The following MBL2 variants were observed in gnomAD, a reference collection of about 807,000 sequenced individuals.
MBL2 encodes mannose-binding protein C.
Under a neutral mutation model 12.7 loss-of-function variants are expected in MBL2, and 6 were observed. That is an observed-to-expected ratio of 0.47 (90% CI 0.26 to 0.94). MBL2 has a LOEUF of 0.94. MBL2 is among the 40% of genes least tolerant of loss of function. The pLI, the probability that MBL2 is intolerant of heterozygous loss-of-function variation, is 0.15. For missense variants in MBL2, 307 were observed against 295.2 expected (o/e 1.04, Z -0.29); for synonymous variants, 114 against 112.0 (o/e 1.02, Z -0.11).
chr10:52,767,165 G>A lies in MBL2; in HGVS notation c.*972C>T, dbSNP rs565294067. The A allele has an allele frequency of 6.6e-6, 1 of 152,088 alleles. No individual in the cohort carries two copies. Among genetic ancestry groups the A allele is most frequent in the South Asian group, 2.1e-4 (1 of 4,828 alleles). The allele number at this position is 152,088 out of a possible 1,614,324, so 9.4% of individuals were successfully genotyped here. On this transcript the variant is annotated 3_prime_UTR_variant, in exon 5 of 5. Transcript: ENST00000674931. Reference sequence around the variant, plus strand: ...CTCCTGGATAGGTAGTGAAATTAGTGCACCATGTCCACCAAAAGACAAGTC... The same window carrying A: ...CTCCTGGATAGGTAGTGAAATTAGTACACCATGTCCACCAAAAGACAAGTC...
rs184683428 is a variant in MBL2, at chr10:52,771,649, G to C, written c.-9-5C>G. 438 of 1,611,232 alleles carry C rather than the reference G, an allele frequency of 2.7e-4. 6 individuals carry two copies. In the Middle Eastern group the frequency reaches 0.012, roughly 45 times the overall value. On this transcript the variant is annotated splice_region_variant and splice_polypyrimidine_tract_variant and intron_variant, in intron 1 of 4. Coordinates refer to ENST00000674931, the MANE Select transcript of MBL2 (RefSeq NM_001378373.1). ...AAACAGGGACATGGTCCTCACCTTG[G>C]TGTGAGAAAACTCAGGGAAGGTTAA...
rs777309633 is a variant in MBL2 at position 52,768,130 on chromosome 10, T to C, written c.*7A>G. On this transcript the variant is annotated 3_prime_UTR_variant, in exon 5 of 5. Transcript: ENST00000674931. The stretch of plus-strand genomic sequence containing the variant: ...AAAGACAAGGAGGGCCTGAGTGATA[T>C]GACCCTTCAGATAGGGAACTCACAG... 1.0e-5 allele frequency: 16 copies of C among 1,593,012 alleles called. 1 individual carries two copies. The highest frequency in any genetic ancestry group is 3.4e-4 in the Middle Eastern group (2 of 5,922).
At position 52,768,098 on chromosome 10, in the gene MBL2, G is replaced by A; in HGVS notation, c.*39C>T. Reference sequence around the variant, plus strand: ...CAAGCATACTGTGGGCCTGTGGGTTGCAGTAAAAAGACAAGGAGGGCCTGA... The same window carrying A: ...CAAGCATACTGTGGGCCTGTGGGTTACAGTAAAAAGACAAGGAGGGCCTGA... On this transcript the variant is annotated 3_prime_UTR_variant, in exon 5 of 5. Transcript: ENST00000674931. 1 of 1,548,174 alleles carries A rather than the reference G, an allele frequency of 6.5e-7. No individual in the cohort carries two copies. Among genetic ancestry groups the A allele is most frequent in the Non-Finnish European group, 8.7e-7 (1 of 1,147,448 alleles).
Position 52,767,947 on chromosome 10 carries a change from C to T in MBL2, c.*190G>A, listed in dbSNP as rs1231552801. The T allele has an allele frequency of 1.9e-6, 1 of 519,450 alleles. No individual in the cohort carries two copies. Among genetic ancestry groups the T allele is most frequent in the Non-Finnish European group, 3.3e-6 (1 of 307,522 alleles). 32.2% of individuals were successfully genotyped at this position (519,450 alleles called of 1,614,324 possible). On this transcript the variant is annotated 3_prime_UTR_variant, in exon 5 of 5. Coordinates refer to ENST00000674931, the MANE Select transcript of MBL2 (RefSeq NM_001378373.1). ...AAATATTATATAATTAGCATGACTACTACTGCTGCTGCTAACTACTACTAC... is the reference window on the plus strand; with the variant it reads ...AAATATTATATAATTAGCATGACTATTACTGCTGCTGCTAACTACTACTAC...
At position 52,768,435 on chromosome 10, in the gene MBL2, T is replaced by G. The variant is rs149216902; in HGVS notation, c.449A>C (p.Lys150Thr). The G allele has an allele frequency of 5.7e-5, 92 of 1,610,576 alleles. 1 individual carries two copies. The African/African-American group carries it at 9.4e-4, about 16-fold the overall frequency. Reference protein sequence around the residue: ...LTNGEIMTFEKVKALCVKFQA... With the variant: ...LTNGEIMTFETVKALCVKFQA... Reference sequence around the variant, plus strand: ...GAACTTGACACACAAGGCCTTCACTTTTTCAAAGGTCATTATTTCACCATT... The same window carrying G: ...GAACTTGACACACAAGGCCTTCACTGTTTCAAAGGTCATTATTTCACCATT... Residue 150 changes from lysine (K) to threonine (T), a missense_variant, in exon 5 of 5, where the codon AAA (lysine) becomes ACA (threonine). Physicochemically the swap from Lys to Thr is moderately conservative, Grantham distance 78 (BLOSUM62 -1). Transcript: ENST00000674931.
chr10:52,771,758 C>A, intron 1 of MBL2, 114 bp from the exon 2 acceptor site: 1 of 1,414,762 alleles, frequency 7.1e-7, no homozygotes, highest in Non-Finnish European at 9.4e-7. Flanking sequence ...GATGACCCAT[C>A]CCTGGCCTCT....
At chr10:52,768,954 T>C (rs148493428) in intron 4 of MBL2, among the ~76,000 whole-genome samples, 81 of 152,156 alleles carry the variant, frequency 5.3e-4, no homozygotes, top group African/African-American at 1.7e-3. Context: ...AACAAAGGGA[T>C]ATAAGTCCCA....
rs144103418 is a variant in MBL2 at position 52,768,161 on chromosome 10, C to T, written c.723G>A (p.Leu241=). ...WNDVPCSTSH[L]AVCEFPI ...TTCAGATAGGGAACTCACAGACGGC[C>T]AGATGGGAGGTGGAGCAGGGGACGT... is the stretch of plus-strand genomic sequence containing the variant. The change falls in exon 5 of 5, where the codon CTG becomes CTA. Residue 241 remains leucine, a synonymous_variant. Coordinates refer to ENST00000674931, the MANE Select transcript of MBL2 (RefSeq NM_001378373.1). 1,793 of 1,607,954 alleles carry T rather than the reference C, an allele frequency of 1.1e-3. 19 individuals are homozygous for T. The highest frequency in any genetic ancestry group is 4.5e-4 in the East Asian group (20 of 44,842).
chr10:52,766,241 T>C lies in MBL2; in HGVS notation c.*1896A>G, dbSNP rs1467160364. 6.6e-6 allele frequency: 1 copy of C among 152,100 alleles called. No homozygotes were observed. Among genetic ancestry groups the C allele is most frequent in the African/African-American group, 2.4e-5 (1 of 41,426 alleles). 9.4% of individuals were successfully genotyped at this position (152,100 alleles called of 1,614,324 possible). A position where few individuals can be genotyped will look rare whatever the true frequency, so the allele number is the denominator to read the frequency against. On this transcript the variant is annotated 3_prime_UTR_variant, in exon 5 of 5. Transcript: ENST00000674931. ...ATTGAGAAGCTGTTTCTAATATTTATATGGAAATCTTGACTTTAAGAAGAA... is the reference window on the plus strand; with the variant it reads ...ATTGAGAAGCTGTTTCTAATATTTACATGGAAATCTTGACTTTAAGAAGAA...
chr10:52,770,354 C>T (rs1048542762), intron 3 of MBL2, among the ~76,000 whole-genome samples: 1 of 152,250 alleles, frequency 6.6e-6, no homozygotes, highest in African/African-American at 2.4e-5. Flanking sequence ...AATAAGCCCA[C>T]ACTTAGATGG....
chr10:52,770,893 G>A (rs993627155), intron 2 of MBL2, 107 bp from the exon 3 acceptor site: 1 of 543,040 alleles, frequency 1.8e-6, no homozygotes, highest in East Asian at 3.0e-5. Flanking sequence ...CTTGACCCAG[G>A]ACTGACCTTT....
Position 52,768,468 on chromosome 10 carries a change from A to C in MBL2, c.416T>G (p.Phe139Cys), listed in dbSNP as rs1016829364. ...GGTCATTATTTCACCATTGGTCAGG[A>C]AGAACTTGTTCCCAACTTGTTTGCC... Reference protein sequence around the residue: ...SLGKQVGNKFFLTNGEIMTFE... With the variant: ...SLGKQVGNKFCLTNGEIMTFE... The change falls in exon 5 of 5, where the codon TTC (phenylalanine) becomes TGC (cysteine). Residue 139 changes from phenylalanine (F) to cysteine (C), a missense_variant. Coordinates refer to ENST00000674931, the MANE Select transcript of MBL2 (RefSeq NM_001378373.1). The C allele has an allele frequency of 1.3e-6, 2 of 1,597,236 alleles. No individual in the cohort carries two copies. Among genetic ancestry groups the C allele is most frequent in the Non-Finnish European group, 1.7e-6 (2 of 1,173,208 alleles).
rs1278612769 is a variant in MBL2, at chr10:52,765,860, A to G, written c.*2277T>C. 1 of 152,212 alleles carries G rather than the reference A, an allele frequency of 6.6e-6. No homozygotes were observed. The highest frequency in any genetic ancestry group is 2.1e-4 in the South Asian group (1 of 4,834). 9.4% of individuals were successfully genotyped at this position (152,212 alleles called of 1,614,324 possible). A position where few individuals can be genotyped will look rare whatever the true frequency, so the allele number is the denominator to read the frequency against. ...ATATTTTCAGCTTACATGACTATGC[A>G]TATACAAAATCCAGAGGAATCTACA... On this transcript the variant is annotated 3_prime_UTR_variant, in exon 5 of 5. Transcript: ENST00000674931.
In MBL2 at chr10:52,766,908, C is replaced by T. The variant is rs1445351097; in HGVS notation, c.*1229G>A. ...AATAAGCATATAAAAAAGTGTTCAA[C>T]CTTATTACATGTTGGGGAAATACAG... On this transcript the variant is annotated 3_prime_UTR_variant, in exon 5 of 5. Coordinates refer to ENST00000674931, the MANE Select transcript of MBL2 (RefSeq NM_001378373.1). The T allele has an allele frequency of 1.3e-5, 2 of 151,962 alleles. No individual in the cohort carries two copies. The highest frequency in any genetic ancestry group is 2.9e-5 in the Non-Finnish European group (2 of 68,024). 9.4% of individuals were successfully genotyped at this position (151,962 alleles called of 1,614,324 possible). A position where few individuals can be genotyped will look rare whatever the true frequency, so the allele number is the denominator to read the frequency against.
intron 1 of MBL2, 65 bp from the exon 2 acceptor site, chr10:52,771,709 C>T: frequency 6.6e-7 from 1 of 1,521,638 alleles, no homozygotes. Flanking sequence ...CCGAGCATGC[C>T]CTCTGTCCTA....
At chr10:52,768,640 A>T in intron 4 of MBL2, 130 bp from the exon 5 acceptor site, 1 of 609,440 alleles carries the variant, frequency 1.6e-6, no homozygotes, top group Non-Finnish European at 2.7e-6. Flanking sequence ...TGAATTTCAG[A>T]CAAACAATGA....
Position 52,767,547 on chromosome 10 carries a change from G to C in MBL2, c.*590C>G, listed in dbSNP as rs1013361080. 1 of 151,972 alleles carries C rather than the reference G, an allele frequency of 6.6e-6. No individual in the cohort carries two copies. The highest frequency in any genetic ancestry group is 1.5e-5 in the Non-Finnish European group (1 of 68,032). The allele number at this position is 151,972 out of a possible 1,614,324, so 9.4% of individuals were successfully genotyped here. ...TGTCCCATATCTTAATCTAGAAAGT[G>C]AGTATATAGGTATGTATGTGTGTGA... On this transcript the variant is annotated 3_prime_UTR_variant, in exon 5 of 5. Coordinates refer to ENST00000674931, the MANE Select transcript of MBL2 (RefSeq NM_001378373.1).
chr10:52,772,688 C>CT, intron 1 of MBL2, 49 bp downstream of exon 1: 4 of 983,132 alleles, frequency 4.1e-6, no homozygotes, highest in Non-Finnish European at 4.8e-6. Context: ...TGTCAGCTCC[C>CT]CAAACCCTTG....
Position 52,769,002 on chromosome 10 carries a change from T to A in MBL2, c.373+245A>T, listed in dbSNP as rs566573524. 3.3e-4 allele frequency among the ~76,000 whole-genome samples: 50 copies of A among 152,008 alleles called. 1 individual carries two copies. Among genetic ancestry groups the A allele is most frequent in the African/African-American group, 1.1e-3 (46 of 41,340 alleles). The stretch of plus-strand genomic sequence containing the variant: ...AATATCAGACGGTAAAGGATTAGGG[T>A]CTCTCGAGTCAGACTGACTTCCATC... On this transcript the variant is annotated intron_variant, in intron 4 of 4. Transcript: ENST00000674931.
Sources: gnomAD v4.1 joint callset for allele counts (sites outside exome capture counted in the v4.1 genomes callset) on GRCh38, gnomAD v4.1.1 for gene constraint, MANE v1.5 for transcripts, NCBI Gene and HGNC (gene_info 2026-07-23, HGNC 2026-07-21) for gene names.